Variants in LDB2 observed in about 807,000 individuals in gnomAD.
LDB2 encodes LIM domain binding 2, also known as LIM domain-binding protein 2.
In LDB2, 12 loss-of-function variants were observed where a neutral mutation model predicts 44.3. The ratio of observed to expected loss-of-function variants is 0.27; its 90% CI spans 0.17 to 0.44. The LOEUF is 0.44. Among genes scored for constraint, LDB2 ranks in the 20% least tolerant of loss-of-function variants. The pLI, the probability that LDB2 is intolerant of heterozygous loss-of-function variation, is 1.00. For synonymous variants in LDB2, 164 were observed against 174.8 expected (o/e 0.94, Z 0.49); for missense variants, 344 against 473.5 (o/e 0.73, Z 2.54).
At position 16,877,304 on chromosome 4, in the gene LDB2, G is replaced by T. The variant is rs139073370; in HGVS notation, c.132+21050C>A. Among the ~76,000 whole-genome samples, 35 of 152,240 alleles carry T rather than the reference G, an allele frequency of 2.3e-4. No homozygotes were observed. The East Asian group carries it at 6.6e-3, about 29-fold the overall frequency. On this transcript the variant is annotated intron_variant, in intron 1 of 7. Transcript: ENST00000304523. Reference sequence around the variant, plus strand: ...GTTGTCTTTGTGTCTTTGGAATCTAGCATAGTTCCCACTATGTGGAATAAA... The same window carrying T: ...GTTGTCTTTGTGTCTTTGGAATCTATCATAGTTCCCACTATGTGGAATAAA...
chr4:16,633,915 AT>A (rs1293688026), intron 2 of LDB2, among the ~76,000 whole-genome samples: 1 of 152,236 alleles, frequency 6.6e-6, no homozygotes, highest in East Asian at 1.9e-4. Flanking sequence ...CAAAACAGAT[AT>A]ATAGACCAAT....
chr4:16,854,362 ATAATTCTGTTGTGGGTTCTTCCCCT>A (rs60276195), intron 1 of LDB2, among the ~76,000 whole-genome samples: 2,734 of 152,026 alleles, frequency 0.018, 99 homozygotes, highest in African/African-American at 0.062. Flanking sequence ...TCACAGTTAT[ATAATTCTGTTGTGGGTTCTTCCCCT>A]CAATCCAAAA....
At chr4:16,811,186 T>C (rs1192389645) in intron 1 of LDB2, among the ~76,000 whole-genome samples, 1 of 152,232 alleles carries the variant, frequency 6.6e-6, no homozygotes, top group Non-Finnish European at 1.5e-5. Context: ...TCATGGGATG[T>C]GCTTTGCACA....
At chr4:16,812,429 C>T (rs1414803289) in intron 1 of LDB2, among the ~76,000 whole-genome samples, 2 of 151,732 alleles carry the variant, frequency 1.3e-5, no homozygotes, top group Non-Finnish European at 2.9e-5. Context: ...TTGTTTTGTT[C>T]CCCTAAATTC....
chr4:16,607,949 A>G (rs1724401906), intron 2 of LDB2, among the ~76,000 whole-genome samples: 1 of 152,102 alleles, frequency 6.6e-6, no homozygotes, highest in Admixed American at 6.5e-5. Flanking sequence ...GAGAATCAAG[A>G]CCACAAAAAA....
chr4:16,748,484 G>C (rs1764810552), intron 2 of LDB2, among the ~76,000 whole-genome samples: 1 of 152,162 alleles, frequency 6.6e-6, no homozygotes, highest in South Asian at 2.1e-4. Flanking sequence ...TTGTCATGGA[G>C]CCTCTACATT....
intron 1 of LDB2, among the ~76,000 whole-genome samples, chr4:16,770,708 T>C (rs752866784): frequency 1.3e-5 from 2 of 152,350 alleles, no homozygotes; most frequent in Non-Finnish European, 2.9e-5. Context: ...TATACTATTC[T>C]AGTATGAAAG....
chr4:16,668,465 T>C (rs1743896138), intron 2 of LDB2, among the ~76,000 whole-genome samples: 1 of 152,230 alleles, frequency 6.6e-6, no homozygotes, highest in Non-Finnish European at 1.5e-5. Flanking sequence ...TTCCCTTCTT[T>C]TACATTTGTC....
intron 2 of LDB2, among the ~76,000 whole-genome samples, chr4:16,660,281 A>G (rs1015734814): frequency 5.9e-5 from 9 of 152,202 alleles, no homozygotes; most frequent in African/African-American, 2.2e-4. Flanking sequence ...GAATTTGGGA[A>G]GGCTGAACAC....
chr4:16,718,456 T>C (rs1440437195), intron 2 of LDB2, among the ~76,000 whole-genome samples: 2 of 152,152 alleles, frequency 1.3e-5, no homozygotes, highest in Admixed American at 1.3e-4. Context: ...TAAAAATTTC[T>C]GATGACTTTT....
intron 2 of LDB2, among the ~76,000 whole-genome samples, chr4:16,742,122 A>G (rs1454573526): frequency 8.0e-6 from 1 of 125,738 alleles, no homozygotes; most frequent in East Asian, 2.3e-4. Context: ...GCCAGGCTGG[A>G]GTTCAGTGGC....
At chr4:16,862,600 T>C (rs1165859088) in intron 1 of LDB2, among the ~76,000 whole-genome samples, 2 of 118,262 alleles carry the variant, frequency 1.7e-5, no homozygotes, top group East Asian at 5.8e-4. Flanking sequence ...GCCATTGCAC[T>C]CCAGCCTGGG....
intron 2 of LDB2, among the ~76,000 whole-genome samples, chr4:16,599,397 T>A (rs2152446591): frequency 6.6e-6 from 1 of 152,264 alleles, no homozygotes; most frequent in East Asian, 1.9e-4. Flanking sequence ...GTCTTCTGCC[T>A]CCCTCTTGAC....
intron 2 of LDB2, among the ~76,000 whole-genome samples, chr4:16,747,734 G>A (rs1764676791): frequency 6.6e-6 from 1 of 151,974 alleles, no homozygotes; most frequent in Non-Finnish European, 1.5e-5. Context: ...TCCTTTACCT[G>A]AGAACCATCT....
chr4:16,655,895 A>ATTTT (rs1560775125), intron 2 of LDB2, among the ~76,000 whole-genome samples: 1 of 67,738 alleles, frequency 1.5e-5, no homozygotes, highest in Non-Finnish European at 3.2e-5. Context: ...CTGCAAGAAA[A>ATTTT]CTTTTTTTTT....
In LDB2 at chr4:16,739,618, ACATG is replaced by A. The variant is rs1182905695; in HGVS notation, c.235+19536_235+19539del. Among the ~76,000 whole-genome samples, 27 of 74,144 alleles carry A rather than the reference ACATG, an allele frequency of 3.6e-4. 2 individuals are homozygous for A. Among genetic ancestry groups the A allele is most frequent in the East Asian group, 7.8e-4 (1 of 1,280 alleles). 48.6% of individuals were successfully genotyped at this position (74,144 alleles called of 152,430 possible). On this transcript the variant is annotated intron_variant, in intron 2 of 7. Coordinates refer to ENST00000304523, the MANE Select transcript of LDB2 (RefSeq NM_001290.5). ...TATATATATATATATATGTATATAT[ACATG>A]TGTGTGTATATATGTATATATACAT...
chr4:16,546,296 C>A (rs974719268), intron 5 of LDB2, among the ~76,000 whole-genome samples: 7 of 152,126 alleles, frequency 4.6e-5, no homozygotes, highest in African/African-American at 1.7e-4. Context: ...CGTTTGAAGG[C>A]GCAATTAAAA....
At chr4:16,862,759 C>A (rs60796204) in intron 1 of LDB2, among the ~76,000 whole-genome samples, 34 of 151,632 alleles carry the variant, frequency 2.2e-4, no homozygotes, top group African/African-American at 8.2e-4. Flanking sequence ...TAGAAGGTGT[C>A]CAGTTTCCCA....
chr4:16,747,297 G>C (rs1392416426), intron 2 of LDB2, among the ~76,000 whole-genome samples: 1 of 152,002 alleles, frequency 6.6e-6, no homozygotes, highest in Non-Finnish European at 1.5e-5. Context: ...AAAAATAATA[G>C]AGCTCCAAGT....
Sources: allele counts gnomAD v4.1 joint callset (sites outside exome capture counted in the v4.1 genomes callset), GRCh38; gene constraint gnomAD v4.1.1; transcripts MANE v1.5; gene names NCBI Gene and HGNC (gene_info 2026-07-23, HGNC 2026-07-21).